Variants in CORO7 observed in about 807,000 individuals in gnomAD.
CORO7 encodes the protein coronin 7, also known as coronin-7.
CORO7 carries 107 observed loss-of-function variants against 126.6 expected under a neutral mutation model. That is an observed-to-expected ratio of 0.85 (90% confidence interval 0.72 to 0.99). The LOEUF is 0.99. CORO7 is among the 50% of genes least tolerant of loss of function. The pLI, the probability that CORO7 is intolerant of heterozygous loss-of-function variation, is 0.00. For synonymous variants in CORO7, 603 were observed against 536.8 expected, an observed-to-expected ratio of 1.12 and a Z score of -1.70; for missense variants, 1,314 against 1,255.8, an observed-to-expected ratio of 1.05 and a Z score of -0.70.
At chr16:4,392,333 T>C (rs959151708) in intron 7 of CORO7, among the ~76,000 whole-genome samples, 1 of 151,766 alleles carries the variant, frequency 6.6e-6, no homozygotes, top group Non-Finnish European at 1.5e-5. Flanking sequence ...GGTGGGACCA[T>C]GGAGAAGCCA....
chr16:4,374,436 G>C (rs1436631440), intron 9 of CORO7, among the ~76,000 whole-genome samples: 1 of 152,084 alleles, frequency 6.6e-6, no homozygotes, highest in South Asian at 2.1e-4. Flanking sequence ...TATTCTTCAG[G>C]GTTCGGGACG....
intron 21 of CORO7, 78 bp downstream of exon 21, chr16:4,360,200 G>A (rs113201198): frequency 3.8e-6 from 6 of 1,589,928 alleles, no homozygotes; most frequent in African/African-American, 2.7e-5. Flanking sequence ...CTGAAAGCCT[G>A]ACAAATGTAT....
intron 7 of CORO7, among the ~76,000 whole-genome samples, chr16:4,393,476 AT>A (rs767900991): frequency 6.6e-6 from 1 of 152,182 alleles, no homozygotes; most frequent in African/African-American, 2.4e-5. Flanking sequence ...CACTGCTTAA[AT>A]GGGAGTCCTC....
intron 24 of CORO7, 121 bp downstream of exon 24, chr16:4,358,246 G>A: frequency 6.5e-7 from 1 of 1,530,556 alleles, no homozygotes; most frequent in African/African-American, 1.4e-5. Context: ...CAGCAGAAGG[G>A]GGTAGGTGTC....
chr16:4,379,845 C>T (rs578147995), intron 9 of CORO7, among the ~76,000 whole-genome samples: 5 of 147,348 alleles, frequency 3.4e-5, no homozygotes, highest in African/African-American at 1.3e-4. Flanking sequence ...GAGTTCCAGA[C>T]CAACCTGACC....
chr16:4,390,745 G>A (rs879829016), intron 7 of CORO7, among the ~76,000 whole-genome samples: 4 of 152,194 alleles, frequency 2.6e-5, no homozygotes, highest in Non-Finnish European at 4.4e-5. Flanking sequence ...ACAGAGAGAC[G>A]AAGCCATGGT....
chr16:4,375,265 G>A (rs989102533), intron 9 of CORO7, among the ~76,000 whole-genome samples: 8 of 152,136 alleles, frequency 5.3e-5, no homozygotes, highest in Non-Finnish European at 1.2e-4. Flanking sequence ...AGCCTCCTGG[G>A]TGGAGGGAGG....
At chr16:4,388,668 C>T (rs746215847) in intron 7 of CORO7, 37 bp from the exon 8 acceptor site, 3 of 1,592,156 alleles carry the variant, frequency 1.9e-6, no homozygotes, top group Admixed American at 3.6e-5. Context: ...GCCCCCAGGG[C>T]CCTGCTGGTG....
At chr16:4,399,865 T>C (rs1049335806) in intron 6 of CORO7, among the ~76,000 whole-genome samples, 2 of 152,166 alleles carry the variant, frequency 1.3e-5, no homozygotes, top group Non-Finnish European at 2.9e-5. Context: ...AGGTAAATTT[T>C]ATGATATGTG....
chr16:4,363,911 C>T (rs1308443396), intron 14 of CORO7, among the ~76,000 whole-genome samples: 6 of 151,976 alleles, frequency 3.9e-5, no homozygotes, highest in South Asian at 4.2e-4. Flanking sequence ...CTCACCTACT[C>T]GGGAGGCTGA....
chr16:4,360,825 C>A lies in CORO7; in HGVS notation c.1917+118G>T, dbSNP rs140680086. 1.5e-4 allele frequency: 233 copies of A among 1,507,212 alleles called. No homozygotes were observed. The East Asian group carries it at 2.6e-3, about 17-fold the overall frequency. 93.4% of individuals were successfully genotyped at this position (1,507,212 alleles called of 1,614,324 possible). ...TCACTGCTGGCCCCACCCCTCCTCG[C>A]TGCTGGTCCTGCCTCTCCTCACTGC... On this transcript the variant is annotated intron_variant, in intron 19 of 27. Transcript: ENST00000251166.
chr16:4,408,309 G>A (rs2056084683), intron 3 of CORO7, 58 bp from the exon 4 acceptor site: 17 of 1,612,250 alleles, frequency 1.1e-5, no homozygotes, highest in Non-Finnish European at 1.4e-5. Context: ...CCAGTATGAA[G>A]CAAAGCCCAG....
chr16:4,377,188 G>A (rs1409061622), intron 9 of CORO7, among the ~76,000 whole-genome samples: 1 of 152,104 alleles, frequency 6.6e-6, no homozygotes, highest in African/African-American at 2.4e-5. Context: ...GGAGGACGGA[G>A]GCCCCAGACC....
At chr16:4,378,886 G>T (rs1443965091) in intron 9 of CORO7, among the ~76,000 whole-genome samples, 1 of 152,040 alleles carries the variant, frequency 6.6e-6, no homozygotes, top group Non-Finnish European at 1.5e-5. Flanking sequence ...CTGGCTAGGG[G>T]CTCAGGGTCG....
intron 2 of CORO7, 124 bp downstream of exon 2, chr16:4,413,183 AG>A: frequency 1.0e-6 from 1 of 978,962 alleles, no homozygotes; most frequent in Middle Eastern, 3.2e-4. Flanking sequence ...CTCACCTCTG[AG>A]CCCCCCAAAG....
At chr16:4,397,180 A>T (rs2055626338) in intron 6 of CORO7, 1 of 152,120 alleles carries the variant, frequency 6.6e-6, no homozygotes, top group Admixed American at 6.5e-5. Context: ...GAGGTGGTTC[A>T]TGCTGGTAAT....
chr16:4,354,858 GGA>G lies in CORO7; in HGVS notation c.*298_*299del, dbSNP rs2053922400. ...AGCCCAGGTCAGCAGTGAGACCAGG[GGA>G]GACAGGGTGCCCAGGGCCTGCCCAG... On this transcript the variant is annotated 3_prime_UTR_variant, in exon 28 of 28. Coordinates refer to ENST00000251166, the MANE Select transcript of CORO7 (RefSeq NM_024535.5). 2.4e-6 allele frequency: 1 copy of G among 408,598 alleles called. No individual in the cohort carries two copies. Among genetic ancestry groups the G allele is most frequent in the South Asian group, 1.0e-4 (1 of 9,810 alleles). 25.3% of individuals were successfully genotyped at this position (408,598 alleles called of 1,614,324 possible). A position where few individuals can be genotyped will look rare whatever the true frequency, so the allele number is the denominator to read the frequency against.
intron 7 of CORO7, among the ~76,000 whole-genome samples, chr16:4,394,386 T>C (rs117074840): frequency 0.017 from 2,621 of 151,646 alleles, 30 homozygotes; most frequent in Non-Finnish European, 0.029. Context: ...GAGGCGGAAC[T>C]TGCAGTGAGC....
At chr16:4,371,330 C>A (rs1052074835) in intron 9 of CORO7, among the ~76,000 whole-genome samples, 1 of 152,230 alleles carries the variant, frequency 6.6e-6, no homozygotes, top group Non-Finnish European at 1.5e-5. Flanking sequence ...TTTGTGTGGG[C>A]TGCCAGGAGT....
Sources: gnomAD v4.1 joint callset for allele counts (sites outside exome capture counted in the v4.1 genomes callset) on GRCh38, gnomAD v4.1.1 for gene constraint, MANE v1.5 for transcripts, NCBI Gene and HGNC (gene_info 2026-07-23, HGNC 2026-07-21) for gene names.